CTNNA2: variants seen among roughly 807,000 people sequenced by gnomAD.
CTNNA2 encodes the protein catenin alpha-2.
Under a neutral mutation model 101.0 loss-of-function variants are expected in CTNNA2, and 42 were observed. That is an observed-to-expected ratio of 0.42 (90% CI 0.32 to 0.54). CTNNA2 has a LOEUF of 0.54. Ranked by LOEUF, CTNNA2 falls within the 20% of genes least tolerant of loss-of-function variation. The probability of loss-of-function intolerance (pLI) is 0.14; values close to 1 mark genes in which losing one functional copy is unlikely to be tolerated. For missense variants in CTNNA2, 871 were observed against 1,223.1 expected (o/e 0.71, Z 4.29); for synonymous variants, 450 against 456.4 (o/e 0.99, Z 0.18).
intron 2 of CTNNA2, among the ~76,000 whole-genome samples, chr2:79,726,273 T>C (rs1056618768): frequency 2.6e-5 from 4 of 152,166 alleles, no homozygotes; most frequent in Non-Finnish European, 5.9e-5. Flanking sequence ...ATATGTTATA[T>C]TTCATTTGTA....
At chr2:79,844,593 A>T (rs919674402) in intron 3 of CTNNA2, among the ~76,000 whole-genome samples, 3 of 152,050 alleles carry the variant, frequency 2.0e-5, no homozygotes, top group African/African-American at 4.8e-5. Flanking sequence ...CTCCAACTTC[A>T]TGCAACTGGT....
intron 9 of CTNNA2, among the ~76,000 whole-genome samples, chr2:80,488,774 CA>C (rs1686799012): frequency 6.6e-6 from 1 of 152,194 alleles, no homozygotes; most frequent in Non-Finnish European, 1.5e-5. Flanking sequence ...TGTATTTGTA[CA>C]AATGCCTGCC....
At chr2:80,083,325 G>C (rs2035517) in intron 7 of CTNNA2, among the ~76,000 whole-genome samples, 43,629 of 151,776 alleles carry the variant, frequency 0.29, 6,929 homozygotes, top group East Asian at 0.55. Flanking sequence ...ATTTTGTTAC[G>C]GGAACATTGT....
At chr2:80,513,390 A>T (rs2149556743) in intron 9 of CTNNA2, among the ~76,000 whole-genome samples, 1 of 152,332 alleles carries the variant, frequency 6.6e-6, no homozygotes, top group East Asian at 1.9e-4. Context: ...GTGTGTGAGC[A>T]CTTTCTTGAC....
chr2:79,511,881 C>T (rs1000683561), upstream of CTNNA2, among the ~76,000 whole-genome samples: 2 of 152,136 alleles, frequency 1.3e-5, no homozygotes, highest in Non-Finnish European at 2.9e-5. Flanking sequence ...TCGGCATGAA[C>T]ACACGCACTG....
At chr2:80,499,513 C>A (rs1359065961) in intron 9 of CTNNA2, among the ~76,000 whole-genome samples, 1 of 151,586 alleles carries the variant, frequency 6.6e-6, no homozygotes, top group East Asian at 1.9e-4. Context: ...TTTAAAGGAG[C>A]TATAGCTAAT....
intron 7 of CTNNA2, among the ~76,000 whole-genome samples, chr2:80,080,408 G>A (rs960691454): frequency 3.3e-5 from 5 of 152,142 alleles, no homozygotes; most frequent in Admixed American, 6.5e-5. Flanking sequence ...AGGACACCTC[G>A]ACAATTCGAT....
At chr2:80,452,493 C>T (rs1404817309) in intron 9 of CTNNA2, among the ~76,000 whole-genome samples, 1 of 151,514 alleles carries the variant, frequency 6.6e-6, no homozygotes, top group Non-Finnish European at 1.5e-5. Flanking sequence ...AGTCAGGTCT[C>T]ATGGGGCTGA....
chr2:79,701,279 G>A (rs1002179966), intron 2 of CTNNA2, among the ~76,000 whole-genome samples: 5 of 151,998 alleles, frequency 3.3e-5, no homozygotes, highest in Admixed American at 1.3e-4. Context: ...GTGAGTAGTG[G>A]GTCCAGGGAT....
At position 80,145,260 on chromosome 2, in the gene CTNNA2, T is replaced by A. The variant is rs575069624; in HGVS notation, c.1056+235463T>A. ...GGCTGTAGGTGGCAGCAAAAGGCATTTTCTGGGTTGAATTCTCCCTGGAAG... is the reference window on the plus strand; with the variant it reads ...GGCTGTAGGTGGCAGCAAAAGGCATATTCTGGGTTGAATTCTCCCTGGAAG... On this transcript the variant is annotated intron_variant, in intron 7 of 18. Coordinates refer to ENST00000402739, the MANE Select transcript of CTNNA2 (RefSeq NM_001282597.3). Among the ~76,000 whole-genome samples the A allele has an allele frequency of 7.9e-5, 12 of 152,240 alleles. No homozygotes were observed. In the South Asian group the frequency reaches 1.7e-3, roughly 21 times the overall value.
chr2:80,422,737 A>G (rs1680640954), intron 9 of CTNNA2, among the ~76,000 whole-genome samples: 1 of 152,180 alleles, frequency 6.6e-6, no homozygotes, highest in Non-Finnish European at 1.5e-5. Context: ...AGGAATTGAT[A>G]TCAAAGTTAT....
intron 2 of CTNNA2, among the ~76,000 whole-genome samples, chr2:79,287,744 A>G (rs565493533): frequency 7.9e-5 from 12 of 152,202 alleles, no homozygotes; most frequent in South Asian, 4.2e-4. Flanking sequence ...TACAGAGGCA[A>G]GCAGGCCTCC....
chr2:80,197,322 T>C (rs77148904), intron 7 of CTNNA2, among the ~76,000 whole-genome samples: 3,927 of 152,194 alleles, frequency 0.026, 171 homozygotes, highest in African/African-American at 0.088. Context: ...GTTTAAACTA[T>C]TAAATGAACA....
chr2:79,791,471 G>A (rs1226069656), intron 3 of CTNNA2, among the ~76,000 whole-genome samples: 2 of 152,170 alleles, frequency 1.3e-5, no homozygotes, highest in Non-Finnish European at 2.9e-5. Flanking sequence ...TTGAGATAAT[G>A]TTTGTTTCAT....
intron 7 of CTNNA2, among the ~76,000 whole-genome samples, chr2:79,984,848 CCTG>C (rs1691651681): frequency 6.6e-6 from 1 of 152,148 alleles, no homozygotes; most frequent in Non-Finnish European, 1.5e-5. Flanking sequence ...GTCATAATCC[CCTG>C]CTTAAAAATC....
chr2:79,678,203 T>A (rs1683315586), intron 2 of CTNNA2, among the ~76,000 whole-genome samples: 1 of 152,148 alleles, frequency 6.6e-6, no homozygotes, highest in South Asian at 2.1e-4. Context: ...GACTCCTAAT[T>A]TTAATGCTCC....
chr2:79,209,541 A>G (rs929509485), intron 2 of CTNNA2, among the ~76,000 whole-genome samples: 3 of 152,212 alleles, frequency 2.0e-5, no homozygotes, highest in African/African-American at 4.8e-5. Flanking sequence ...TGTATCAGTG[A>G]GAGTCATGAT....
intron 15 of CTNNA2, chr2:80,601,668 T>C (rs1697554191): frequency 6.6e-6 from 1 of 151,956 alleles, no homozygotes; most frequent in Admixed American, 6.6e-5. Context: ...TCTCCTATTA[T>C]TTCTTGATAG....
At chr2:79,994,336 G>A (rs909135876) in intron 7 of CTNNA2, among the ~76,000 whole-genome samples, 13 of 152,202 alleles carry the variant, frequency 8.5e-5, no homozygotes, top group African/African-American at 1.2e-4. Context: ...GGTAAACCAC[G>A]AGTTGCGACA....
Sources: gnomAD v4.1 joint callset for allele counts (sites outside exome capture counted in the v4.1 genomes callset) on GRCh38, gnomAD v4.1.1 for gene constraint, MANE v1.5 for transcripts, NCBI Gene and HGNC (gene_info 2026-07-23, HGNC 2026-07-21) for gene names.